NECTIN3: variants seen among roughly 807,000 people sequenced by gnomAD.
The protein encoded by NECTIN3 is nectin-3.
A neutral mutation model predicts 49.4 loss-of-function variants in NECTIN3; 8 were observed. The observed-to-expected ratio is 0.16, with a 90% CI of 0.10 to 0.29. The LOEUF is 0.29. Ranked by LOEUF, NECTIN3 falls within the 10% of genes least tolerant of loss-of-function variation. The pLI is 1.00. For missense variants in NECTIN3, 581 were observed against 654.6 expected (o/e 0.89, Z 1.23); for synonymous variants, 277 against 241.1 (o/e 1.15, Z -1.38).
intron 1 of NECTIN3, among the ~76,000 whole-genome samples, chr3:111,090,192 G>A (rs1210794710): frequency 6.6e-6 from 1 of 152,004 alleles, no homozygotes; most frequent in African/African-American, 2.4e-5. Context: ...GTCTACTAGG[G>A]TTTGTCTTTT....
At chr3:111,181,261 T>C (rs1026038745) in intron 7 of NECTIN3, among the ~76,000 whole-genome samples, 48 of 152,322 alleles carry the variant, frequency 3.2e-4, no homozygotes, top group African/African-American at 1.1e-3. Flanking sequence ...CTCAGTATAA[T>C]GTTTTTAAGA....
At position 111,134,223 on chromosome 3, in the gene NECTIN3, T is replaced by C. The variant is rs768590527; in HGVS notation, c.*8T>C. 1 of 1,577,492 alleles carries C rather than the reference T, an allele frequency of 6.3e-7. No individual in the cohort carries two copies. The highest frequency in any genetic ancestry group is 8.6e-7 in the Non-Finnish European group (1 of 1,165,282). ...AGGGAGTGGTATGTTTAGCAACCAC[T>C]GAATGTGACTTAACTATGTACAATG... On this transcript the variant is annotated 3_prime_UTR_variant, in exon 6 of 6. Transcript: ENST00000485303.
At chr3:111,129,103 C>T (rs1385348957) in intron 5 of NECTIN3, among the ~76,000 whole-genome samples, 2 of 152,200 alleles carry the variant, frequency 1.3e-5, no homozygotes, top group Admixed American at 6.5e-5. Context: ...ATTCCTACCT[C>T]AGAGTCTTTT....
chr3:111,161,006 CAAA>C (rs982509020), intron 7 of NECTIN3, among the ~76,000 whole-genome samples: 3 of 151,380 alleles, frequency 2.0e-5, no homozygotes, highest in African/African-American at 7.3e-5. Flanking sequence ...GACTCCGTCT[CAAA>C]AAAAATGGAT....
At chr3:111,100,103 G>A (rs145498617) in intron 1 of NECTIN3, among the ~76,000 whole-genome samples, 4 of 151,998 alleles carry the variant, frequency 2.6e-5, no homozygotes, top group African/African-American at 4.8e-5. Context: ...TTAGAAGTAC[G>A]TGTGTTACTG....
chr3:111,072,769 C>A, intron 1 of NECTIN3: 1 of 551,608 alleles, frequency 1.8e-6, no homozygotes, highest in Non-Finnish European at 3.2e-6. Context: ...GACCCTCGTC[C>A]CTGCCCTCCA....
In NECTIN3 at chr3:111,136,561, A is replaced by G; in HGVS notation, c.*2346A>G. On this transcript the variant is annotated 3_prime_UTR_variant, in exon 6 of 6. Transcript: ENST00000485303. ...CTTTATGTATATTTACTGTACATAGAGACTTGTTTGAAAACATGAATAGTC... is the reference window on the plus strand; with the variant it reads ...CTTTATGTATATTTACTGTACATAGGGACTTGTTTGAAAACATGAATAGTC... 2 of 950,266 alleles carry G rather than the reference A, an allele frequency of 2.1e-6. No homozygotes were observed. Among genetic ancestry groups the G allele is most frequent in the Non-Finnish European group, 2.5e-6 (2 of 798,152 alleles). 58.9% of individuals were successfully genotyped at this position (950,266 alleles called of 1,614,324 possible).
chr3:111,138,400 AAAATGCTTTTCTGTTT>A (rs2034651446), downstream of NECTIN3, among the ~76,000 whole-genome samples: 2 of 151,600 alleles, frequency 1.3e-5, no homozygotes, highest in Non-Finnish European at 3.0e-5. Context: ...TCTGTTTTTA[AAAATGCTTTTCTGTTT>A]ATATATTTCT....
intron 1 of NECTIN3, among the ~76,000 whole-genome samples, chr3:111,090,917 G>A (rs941570870): frequency 2.1e-5 from 3 of 143,070 alleles, no homozygotes; most frequent in Admixed American, 7.0e-5. Context: ...TCCTCATTCC[G>A]CCATTAGTGC....
chr3:111,110,031 A>G (rs2033386769), intron 1 of NECTIN3, among the ~76,000 whole-genome samples: 1 of 152,046 alleles, frequency 6.6e-6, no homozygotes, highest in South Asian at 2.1e-4. Flanking sequence ...CCTTTGTAAC[A>G]TACTGATTAT....
chr3:111,107,583 C>G (rs978585208), intron 1 of NECTIN3, among the ~76,000 whole-genome samples: 2 of 152,048 alleles, frequency 1.3e-5, no homozygotes, highest in Non-Finnish European at 2.9e-5. Context: ...ACTTACATTA[C>G]CAATAGTGAT....
intron 1 of NECTIN3, among the ~76,000 whole-genome samples, chr3:111,080,028 C>A (rs1457967046): frequency 6.6e-6 from 1 of 151,664 alleles, no homozygotes; most frequent in Non-Finnish European, 1.5e-5. Flanking sequence ...TAATTTTTTT[C>A]TTTTAAACTG....
At chr3:111,153,203 T>A (rs1329241373) in intron 7 of NECTIN3, among the ~76,000 whole-genome samples, 1 of 151,938 alleles carries the variant, frequency 6.6e-6, no homozygotes, top group Non-Finnish European at 1.5e-5. Context: ...TAGTAAGTAG[T>A]GGCAATTATT....
In NECTIN3 at chr3:111,136,724, C is replaced by T. The variant is rs946933529; in HGVS notation, c.*2509C>T. 2.7e-5 allele frequency: 25 copies of T among 918,740 alleles called. No individual in the cohort carries two copies. The highest frequency in any genetic ancestry group is 6.2e-5 in the Admixed American group (1 of 16,014). The allele number at this position is 918,740 out of a possible 1,614,324, so 56.9% of individuals were successfully genotyped here. ...TTTTTGGCCATATTTATATTTATTTCTTTCATATGGTTTGAACTGTTTTAG... is the reference window on the plus strand; with the variant it reads ...TTTTTGGCCATATTTATATTTATTTTTTTCATATGGTTTGAACTGTTTTAG... On this transcript the variant is annotated 3_prime_UTR_variant, in exon 6 of 6. Transcript: ENST00000485303.
chr3:111,139,590 A>G (rs1334582297), downstream of NECTIN3, among the ~76,000 whole-genome samples: 1 of 151,754 alleles, frequency 6.6e-6, no homozygotes, highest in African/African-American at 2.4e-5. Flanking sequence ...ATTAGCTGCC[A>G]TTTGGTGCTC....
chr3:111,184,330 A>G (rs1021857986), intron 7 of NECTIN3, among the ~76,000 whole-genome samples: 7 of 152,270 alleles, frequency 4.6e-5, no homozygotes, highest in African/African-American at 1.7e-4. Context: ...TCATATTGAA[A>G]TTTAATTGCC....
At chr3:111,073,578 C>G (rs2030959389) in intron 1 of NECTIN3, 1 of 152,326 alleles carries the variant, frequency 6.6e-6, no homozygotes, top group Admixed American at 6.5e-5. Flanking sequence ...TAATGCTATA[C>G]CTTTTTAAAT....
At chr3:111,132,964 AT>A (rs1341625850) in intron 5 of NECTIN3, among the ~76,000 whole-genome samples, 1 of 151,712 alleles carries the variant, frequency 6.6e-6, no homozygotes, top group Non-Finnish European at 1.5e-5. Context: ...ATGCTTTTTT[AT>A]TTTTTTAAAT....
intron 7 of NECTIN3, among the ~76,000 whole-genome samples, chr3:111,162,558 G>A (rs543477990): frequency 1.3e-5 from 2 of 152,188 alleles, no homozygotes; most frequent in Admixed American, 1.3e-4. Context: ...TATAAATTAC[G>A]CAGTCTCAGG....
Sources: allele counts gnomAD v4.1 joint callset (sites outside exome capture counted in the v4.1 genomes callset), GRCh38; gene constraint gnomAD v4.1.1; transcripts MANE v1.5; gene names NCBI Gene and HGNC (gene_info 2026-07-23, HGNC 2026-07-21).